The following HECTD2 variants were observed in gnomAD, a reference collection of about 807,000 sequenced individuals.
HECTD2 encodes the protein HECT domain E3 ubiquitin protein ligase 2, also known as probable E3 ubiquitin-protein ligase HECTD2.
HECTD2 carries 35 observed loss-of-function variants against 103.2 expected under a neutral mutation model. The observed-to-expected ratio is 0.34, with a 90% CI of 0.26 to 0.45. HECTD2 has a LOEUF of 0.45. HECTD2 is among the 20% of genes least tolerant of loss of function. The probability of loss-of-function intolerance (pLI) is 1.00; values close to 1 mark genes in which losing one functional copy is unlikely to be tolerated. For missense variants in HECTD2, 596 were observed against 937.4 expected, an observed-to-expected ratio of 0.64 and a Z score of 4.76; for synonymous variants, 281 against 329.9, an observed-to-expected ratio of 0.85 and a Z score of 1.61.
chr10:91,457,510 A>T (rs1259017402), intron 2 of HECTD2, among the ~76,000 whole-genome samples: 2 of 152,048 alleles, frequency 1.3e-5, no homozygotes, highest in African/African-American at 4.8e-5. Flanking sequence ...GTTCAGTTTT[A>T]AAAATATCAA....
At chr10:91,420,801 A>T (rs977047726) in intron 1 of HECTD2, among the ~76,000 whole-genome samples, 1 of 152,130 alleles carries the variant, frequency 6.6e-6, no homozygotes, top group Non-Finnish European at 1.5e-5. Flanking sequence ...TTGACATACT[A>T]GGAAGCATCA....
At chr10:91,431,018 A>C (rs180921373) in intron 2 of HECTD2, among the ~76,000 whole-genome samples, 2,527 of 151,368 alleles carry the variant, frequency 0.017, 126 homozygotes, top group African/African-American at 0.057. Context: ...CGGCTGGTAC[A>C]GGTTGTGCCT....
At chr10:91,489,489 A>AT (rs1846388745) in intron 11 of HECTD2, 1 of 152,100 alleles carries the variant, frequency 6.6e-6, no homozygotes, top group Non-Finnish European at 1.5e-5. Flanking sequence ...TTGTTGGGTT[A>AT]TTTTTTCATT....
chr10:91,475,574 AT>A (rs1325888990), intron 5 of HECTD2, among the ~76,000 whole-genome samples: 11 of 152,214 alleles, frequency 7.2e-5, no homozygotes, highest in Non-Finnish European at 1.5e-4. Context: ...CCTATTTGGA[AT>A]GAGTTGACAA....
chr10:91,424,944 TA>T (rs779165047), intron 1 of HECTD2, among the ~76,000 whole-genome samples: 23 of 152,192 alleles, frequency 1.5e-4, no homozygotes, highest in Middle Eastern at 3.4e-3. Context: ...AATACACAGT[TA>T]AAATTGTAGT....
Position 91,484,606 on chromosome 10 carries a change from A to G in HECTD2, c.921A>G (p.Thr307=). The stretch of plus-strand genomic sequence containing the variant: ...AGCCTGAAGAATTTCCACCTATAAC[A>G]AAGTGTTCCTGGTGGATTCCATCAG... ...PAKPEEFPPI[T]KCSWWIPSAA... is the part of the protein sequence containing the mutation. The change falls in exon 9 of 21, where the codon ACA becomes ACG. Residue 307 remains threonine, a synonymous_variant. Coordinates refer to ENST00000298068, the MANE Select transcript of HECTD2 (RefSeq NM_182765.6). The G allele has an allele frequency of 6.2e-7, 1 of 1,612,522 alleles. No individual in the cohort carries two copies. The highest frequency in any genetic ancestry group is 8.5e-7 in the Non-Finnish European group (1 of 1,179,100).
chr10:91,432,668 TAA>T (rs11318501), intron 2 of HECTD2, among the ~76,000 whole-genome samples: 5 of 148,762 alleles, frequency 3.4e-5, no homozygotes, highest in East Asian at 2.0e-4. Context: ...CCCCAAACTT[TAA>T]AAAAAAAAAT....
At chr10:91,427,474 AAG>A (rs1456771597) in intron 2 of HECTD2, among the ~76,000 whole-genome samples, 6 of 152,270 alleles carry the variant, frequency 3.9e-5, no homozygotes, top group South Asian at 2.1e-4. Context: ...CCAACAGTGT[AAG>A]AGTGTTCCTG....
At chr10:91,475,156 C>G (rs537532882) in intron 5 of HECTD2, among the ~76,000 whole-genome samples, 1 of 152,274 alleles carries the variant, frequency 6.6e-6, no homozygotes, top group Admixed American at 6.5e-5. Flanking sequence ...AGAAAGATCT[C>G]TCTAGATGCT....
chr10:91,479,914 G>A (rs950868836), intron 6 of HECTD2, among the ~76,000 whole-genome samples: 1 of 151,768 alleles, frequency 6.6e-6, no homozygotes, highest in Admixed American at 6.6e-5. Flanking sequence ...ATCATTTGTT[G>A]CTATTTTTAT....
chr10:91,434,117 G>A (rs1325853328), intron 2 of HECTD2, among the ~76,000 whole-genome samples: 2 of 151,788 alleles, frequency 1.3e-5, no homozygotes, highest in African/African-American at 4.8e-5. Flanking sequence ...GCTTTATTTG[G>A]CTCTGATGGC....
At chr10:91,453,273 A>T (rs541392237) in intron 2 of HECTD2, among the ~76,000 whole-genome samples, 1 of 152,264 alleles carries the variant, frequency 6.6e-6, no homozygotes, top group African/African-American at 2.4e-5. Context: ...CTCCATAAAA[A>T]ATTTAAAAAT....
chr10:91,449,025 T>A (rs1474064659), intron 2 of HECTD2, among the ~76,000 whole-genome samples: 2 of 141,870 alleles, frequency 1.4e-5, no homozygotes, highest in Non-Finnish European at 3.0e-5. Flanking sequence ...TAACTCACTT[T>A]ATGAGGTCAG....
intron 2 of HECTD2, among the ~76,000 whole-genome samples, chr10:91,431,700 G>A (rs1232645532): frequency 6.6e-6 from 1 of 151,788 alleles, no homozygotes; most frequent in Non-Finnish European, 1.5e-5. Context: ...CATTCTTCAC[G>A]TGGTTCTCGA....
At chr10:91,503,508 G>C (rs1391576229) in intron 20 of HECTD2, among the ~76,000 whole-genome samples, 1 of 152,200 alleles carries the variant, frequency 6.6e-6, no homozygotes, top group Non-Finnish European at 1.5e-5. Context: ...ATCAAAGAAA[G>C]GGGTGACGGA....
chr10:91,412,468 C>G (rs1163853991), intron 1 of HECTD2, among the ~76,000 whole-genome samples: 1 of 129,888 alleles, frequency 7.7e-6, no homozygotes, highest in Non-Finnish European at 1.6e-5. Context: ...TTTTTTTTTT[C>G]TTTTTGAGAC....
At chr10:91,476,601 G>A (rs531235114) in intron 5 of HECTD2, among the ~76,000 whole-genome samples, 1 of 152,316 alleles carries the variant, frequency 6.6e-6, no homozygotes, top group South Asian at 2.1e-4. Flanking sequence ...ACCACCGCAG[G>A]CATCCGGGGA....
chr10:91,444,554 C>G (rs1844512203), intron 2 of HECTD2, among the ~76,000 whole-genome samples: 1 of 152,136 alleles, frequency 6.6e-6, no homozygotes. Flanking sequence ...TGAATGAAAA[C>G]CAAACTACAG....
At chr10:91,431,252 G>T (rs1227548720) in intron 2 of HECTD2, among the ~76,000 whole-genome samples, 1 of 151,962 alleles carries the variant, frequency 6.6e-6, no homozygotes, top group African/African-American at 2.4e-5. Context: ...GAGATCTGCT[G>T]TTAGTCTGAT....
Sources: gnomAD v4.1 joint callset for allele counts (sites outside exome capture counted in the v4.1 genomes callset) on GRCh38, gnomAD v4.1.1 for gene constraint, MANE v1.5 for transcripts, NCBI Gene and HGNC (gene_info 2026-07-23, HGNC 2026-07-21) for gene names.